ULK4: variants seen among roughly 807,000 people sequenced by gnomAD.
The protein encoded by ULK4 is inactive serine/threonine-protein kinase ULK4.
Under a neutral mutation model 160.6 loss-of-function variants are expected in ULK4, and 133 were observed. The ratio of observed to expected loss-of-function variants is 0.83; its 90% CI spans 0.72 to 0.96. ULK4 has a LOEUF of 0.96. Ranked by LOEUF, ULK4 falls within the 40% of genes least tolerant of loss-of-function variation. The pLI is 0.00. For missense variants in ULK4, 1,580 were observed against 1,499.5 expected (o/e 1.05, Z -0.89); for synonymous variants, 534 against 539.8 (o/e 0.99, Z 0.15).
intron 32 of ULK4, among the ~76,000 whole-genome samples, chr3:41,473,529 G>A (rs1204558975): frequency 6.6e-6 from 1 of 151,738 alleles, no homozygotes. Context: ...GGGCATGGTG[G>A]AACATGCCTG....
chr3:41,604,428 GA>G, intron 31 of ULK4, among the ~76,000 whole-genome samples: 1 of 151,990 alleles, frequency 6.6e-6, no homozygotes, highest in African/African-American at 2.4e-5. Context: ...TGATATAGAT[GA>G]AAAAACAGAA....
At chr3:41,383,665 G>T (rs1483555850) in intron 35 of ULK4, among the ~76,000 whole-genome samples, 1 of 152,162 alleles carries the variant, frequency 6.6e-6, no homozygotes. Context: ...TTCAGGGATT[G>T]AATAAATAAA....
At chr3:41,399,097 C>A (rs550213440) in intron 34 of ULK4, among the ~76,000 whole-genome samples, 1 of 152,254 alleles carries the variant, frequency 6.6e-6, no homozygotes, top group South Asian at 2.1e-4. Context: ...TGAAGAACTG[C>A]CAGACTGTTT....
At chr3:41,564,036 T>A (rs2087697988) in intron 32 of ULK4, among the ~76,000 whole-genome samples, 1 of 152,182 alleles carries the variant, frequency 6.6e-6, no homozygotes, top group Admixed American at 6.5e-5. Context: ...GACCTATAGA[T>A]AGGGTTTTGG....
chr3:41,812,290 C>CAAAAA (rs1220164345), intron 19 of ULK4, among the ~76,000 whole-genome samples: 1 of 151,922 alleles, frequency 6.6e-6, no homozygotes, highest in Admixed American at 6.6e-5. Context: ...GTCTCAAAAA[C>CAAAAA]AAACAAAACA....
At chr3:41,534,058 G>A (rs953393322) in intron 32 of ULK4, among the ~76,000 whole-genome samples, 2 of 152,006 alleles carry the variant, frequency 1.3e-5, no homozygotes, top group African/African-American at 4.8e-5. Context: ...CAACCGCCTC[G>A]GCCTCCCAAA....
In ULK4 at chr3:41,540,259, A is replaced by G. The variant is rs1344692155; in HGVS notation, c.3226+25766T>C. 2.0e-5 allele frequency among the ~76,000 whole-genome samples: 3 copies of G among 146,942 alleles called. No homozygotes were observed. The East Asian group carries it at 6.0e-4, about 29-fold the overall frequency. ...GTGTGTGATGCGTTCGCATTGTTCA[A>G]CTCCCATTTATGAGTGAGAACATGT... On this transcript the variant is annotated intron_variant, in intron 32 of 36. Coordinates refer to ENST00000301831, the MANE Select transcript of ULK4 (RefSeq NM_017886.4).
At chr3:41,625,789 G>A (rs2033478115) in intron 30 of ULK4, among the ~76,000 whole-genome samples, 1 of 152,162 alleles carries the variant, frequency 6.6e-6, no homozygotes, top group Admixed American at 6.5e-5. Context: ...CAGACAGCCT[G>A]AAGGACAAGA....
At chr3:41,249,652 T>C in intron 35 of ULK4, 78 bp from the exon 36 acceptor site, 1 of 1,444,336 alleles carries the variant, frequency 6.9e-7, no homozygotes, top group South Asian at 1.3e-5. Flanking sequence ...GCACCCTGAG[T>C]ATCAGGCCTG....
chr3:41,722,453 A>G (rs2037505266), intron 22 of ULK4, among the ~76,000 whole-genome samples: 1 of 152,002 alleles, frequency 6.6e-6, no homozygotes, highest in Non-Finnish European at 1.5e-5. Flanking sequence ...ACATGGAGAA[A>G]CCCCGTCTCC....
At chr3:41,433,933 A>G (rs2082974207) in intron 34 of ULK4, among the ~76,000 whole-genome samples, 1 of 152,160 alleles carries the variant, frequency 6.6e-6, no homozygotes, top group Non-Finnish European at 1.5e-5. Flanking sequence ...CATGTTAGTC[A>G]GGATGGTCTC....
At chr3:41,349,867 T>C (rs1283117826) in intron 35 of ULK4, among the ~76,000 whole-genome samples, 2 of 152,200 alleles carry the variant, frequency 1.3e-5, no homozygotes, top group Non-Finnish European at 2.9e-5. Context: ...AAATAATTTT[T>C]CCCCTATAAA....
At chr3:41,700,927 C>G (rs1401234226) in intron 27 of ULK4, among the ~76,000 whole-genome samples, 2 of 151,960 alleles carry the variant, frequency 1.3e-5, no homozygotes, top group Non-Finnish European at 2.9e-5. Flanking sequence ...CAATGACAGA[C>G]TTCTACAAAT....
chr3:41,494,437 A>G (rs2084911111), intron 32 of ULK4, among the ~76,000 whole-genome samples: 1 of 147,314 alleles, frequency 6.8e-6, no homozygotes, highest in South Asian at 2.2e-4. Context: ...TCTCAAAATA[A>G]TAAGAGCCAT....
chr3:41,421,662 T>C (rs2082667150), intron 34 of ULK4, among the ~76,000 whole-genome samples: 1 of 152,192 alleles, frequency 6.6e-6, no homozygotes, highest in Non-Finnish European at 1.5e-5. Flanking sequence ...TTTAATTTTC[T>C]TTTTTGTGGG....
At chr3:41,918,721 C>A (rs537132006) in intron 6 of ULK4, among the ~76,000 whole-genome samples, 181 bp from the exon 7 acceptor site, 1 of 150,838 alleles carries the variant, frequency 6.6e-6, no homozygotes, top group Non-Finnish European at 1.5e-5. Context: ...CCTGCTTCAG[C>A]CTCCCCAGCA....
At chr3:41,469,614 A>AAAAAAAAAAAAAAAAAC (rs2083922669) in intron 32 of ULK4, among the ~76,000 whole-genome samples, 1 of 148,040 alleles carries the variant, frequency 6.8e-6, no homozygotes, top group Non-Finnish European at 1.5e-5. Flanking sequence ...AAAAAAAAAA[A>AAAAAAAAAAAAAAAAAC]AAAAAAAAAA....
chr3:41,293,989 G>A (rs980294100), intron 35 of ULK4, among the ~76,000 whole-genome samples: 8 of 152,224 alleles, frequency 5.3e-5, no homozygotes, highest in Non-Finnish European at 1.0e-4. Flanking sequence ...AACAGTGTGT[G>A]AATTCAGGGC....
intron 30 of ULK4, among the ~76,000 whole-genome samples, chr3:41,623,859 T>A (rs956219852): frequency 1.3e-5 from 2 of 152,182 alleles, no homozygotes. Context: ...GCACGTGAAG[T>A]GATGGACATG....
Sources: gnomAD v4.1 joint callset for allele counts (sites outside exome capture counted in the v4.1 genomes callset) on GRCh38, gnomAD v4.1.1 for gene constraint, MANE v1.5 for transcripts, NCBI Gene and HGNC (gene_info 2026-07-23, HGNC 2026-07-21) for gene names.